Variants in KIF15 observed in about 807,000 individuals in gnomAD.
The protein encoded by KIF15 is kinesin family member 15.
In KIF15, 140 loss-of-function variants were observed where a neutral mutation model predicts 190.6. That is an observed-to-expected ratio of 0.73 (90% CI 0.64 to 0.84). The LOEUF (loss-of-function observed/expected upper bound fraction) is 0.84, where lower values mean the gene tolerates loss of function less well. KIF15 is among the 40% of genes least tolerant of loss of function. The pLI is 0.00. For missense variants in KIF15, 1,372 were observed against 1,584.4 expected (o/e 0.87, Z 2.28); for synonymous variants, 528 against 551.3 (o/e 0.96, Z 0.59).
chr3:44,803,547 C>T (rs140167253), intron 14 of KIF15, among the ~76,000 whole-genome samples: 3 of 152,328 alleles, frequency 2.0e-5, no homozygotes, highest in Non-Finnish European at 4.4e-5. Context: ...ATCTGCCTTA[C>T]AGTCTTGACA....
At chr3:44,852,461 T>TAAAAGAAAAAAAAAAAAAA (rs1699095679) in intron 34 of KIF15, 122 bp downstream of exon 34, 1 of 717,146 alleles carries the variant, frequency 1.4e-6, no homozygotes. Flanking sequence ...CTTCCTGAAT[T>TAAAAGAAAAAAAAAAAAAA]AAAAAAAAAA....
At chr3:44,768,700 A>G (rs1047917394) in intron 1 of KIF15, among the ~76,000 whole-genome samples, 1 of 152,210 alleles carries the variant, frequency 6.6e-6, no homozygotes, top group African/African-American at 2.4e-5. Context: ...AGATAAGGAC[A>G]AAGACCAATC....
chr3:44,863,950 A>C (rs1056045924), intron 6 of KIF15: 14 of 520,624 alleles, frequency 2.7e-5, no homozygotes, highest in Non-Finnish European at 4.5e-5. Context: ...CTTCTTCCCA[A>C]GATCATATGG....
intron 6 of KIF15, among the ~76,000 whole-genome samples, chr3:44,859,133 G>A (rs112119858): frequency 0.012 from 1,771 of 152,324 alleles, 32 homozygotes; most frequent in African/African-American, 0.039. Flanking sequence ...CCAGATTTAT[G>A]GCACTTTAAG....
At chr3:44,772,315 C>A (rs1296657496) in intron 1 of KIF15, among the ~76,000 whole-genome samples, 1 of 152,198 alleles carries the variant, frequency 6.6e-6, no homozygotes, top group East Asian at 1.9e-4. Context: ...ACCTCTAATT[C>A]CTGGGGCTCC....
In KIF15 at chr3:44,761,902, G is replaced by C; in HGVS notation, c.19+18G>C. The C allele has an allele frequency of 6.2e-7, 1 of 1,614,160 alleles. No homozygotes were observed. Among genetic ancestry groups the C allele is most frequent in the Admixed American group, 1.7e-5 (1 of 60,028 alleles). On this transcript the variant is annotated intron_variant, in intron 1 of 34. Transcript: ENST00000326047. ...CTGCAAAAGTAAGTCTGGGCCCCCG[G>C]CTTCGTTACCCTATTTTTGCCCCCA... is the stretch of plus-strand genomic sequence containing the variant.
In KIF15 at chr3:44,826,023, TG is replaced by T; in HGVS notation, c.2550-15del. The stretch of plus-strand genomic sequence containing the variant: ...AAATGTTTATTTACCATTTTTAAAA[TG>T]TTTTCCTTATAAAGGTTAGAAAACG... On this transcript the variant is annotated splice_polypyrimidine_tract_variant and intron_variant, in intron 20 of 34. Transcript: ENST00000326047. 1 of 1,568,140 alleles carries T rather than the reference TG, an allele frequency of 6.4e-7. No individual in the cohort carries two copies. Among genetic ancestry groups the T allele is most frequent in the South Asian group, 1.2e-5 (1 of 83,304 alleles).
At chr3:44,820,326 CT>C (rs368050877) in intron 20 of KIF15, among the ~76,000 whole-genome samples, 3 of 127,222 alleles carry the variant, frequency 2.4e-5, no homozygotes, top group East Asian at 2.5e-4. Flanking sequence ...GATGCAGTTT[CT>C]TTTTTTTTTC....
intron 9 of KIF15, 42 bp downstream of exon 9, chr3:44,797,718 C>T (rs771507432): frequency 6.2e-7 from 1 of 1,608,244 alleles, no homozygotes; most frequent in Admixed American, 1.7e-5. Context: ...TTTGGTTATG[C>T]TAAAGTTGAT....
Position 44,852,990 on chromosome 3 carries a change from T to C in KIF15, c.*255T>C. 3.5e-6 allele frequency: 1 copy of C among 285,672 alleles called. No homozygotes were observed. The highest frequency in any genetic ancestry group is 6.4e-6 in the Non-Finnish European group (1 of 156,632). The allele number at this position is 285,672 out of a possible 1,614,324, so 17.7% of individuals were successfully genotyped here. ...CAACTTAAGGGAAAACCTTTTGTCTTTGTAAAAATAAAAGCCTGTAGCTAA... is the reference window on the plus strand; with the variant it reads ...CAACTTAAGGGAAAACCTTTTGTCTCTGTAAAAATAAAAGCCTGTAGCTAA... On this transcript the variant is annotated 3_prime_UTR_variant, in exon 35 of 35. Coordinates refer to ENST00000326047, the MANE Select transcript of KIF15 (RefSeq NM_020242.3).
intron 6 of KIF15, chr3:44,865,027 C>G (rs563400889): frequency 6.2e-7 from 1 of 1,613,904 alleles, no homozygotes; most frequent in African/African-American, 1.3e-5. Flanking sequence ...TCACAGCTAT[C>G]TTTGTCTCGC....
chr3:44,840,969 C>G, intron 28 of KIF15, 105 bp from the exon 29 acceptor site: 1 of 1,113,764 alleles, frequency 9.0e-7, no homozygotes, highest in Non-Finnish European at 1.3e-6. Context: ...CCACCATGCC[C>G]AGCCGTAGCT....
chr3:44,789,402 C>T (rs955836512), intron 7 of KIF15, among the ~76,000 whole-genome samples: 3 of 151,558 alleles, frequency 2.0e-5, no homozygotes, highest in Non-Finnish European at 4.4e-5. Flanking sequence ...GCATTGGGAT[C>T]GAAGAATGTG....
At chr3:44,778,228 C>T in intron 4 of KIF15, 37 bp downstream of exon 4, 1 of 1,459,212 alleles carries the variant, frequency 6.9e-7, no homozygotes, top group Non-Finnish European at 9.6e-7. Context: ...ATAGTACATG[C>T]TTGAATTATT....
chr3:44,805,784 A>G (rs1004989804), intron 15 of KIF15, 61 bp from the exon 16 acceptor site: 174 of 1,440,272 alleles, frequency 1.2e-4, no homozygotes, highest in Non-Finnish European at 1.6e-4. Context: ...ACTGTAAAGT[A>G]TTCTATAAAT....
Position 44,793,803 on chromosome 3 carries a change from A to G in KIF15, c.640-414A>G, listed in dbSNP as rs191822259. ...AATTAGCTGTATGTTAGTATTTTTC[A>G]TAATAAAATGAGTGATTCTCAAGTG... On this transcript the variant is annotated intron_variant, in intron 7 of 34. Transcript: ENST00000326047. Among the ~76,000 whole-genome samples the G allele has an allele frequency of 3.3e-5, 5 of 152,236 alleles. No homozygotes were observed. In the East Asian group the frequency reaches 9.6e-4, roughly 29 times the overall value.
At chr3:44,846,207 A>T (rs544809671) in intron 30 of KIF15, among the ~76,000 whole-genome samples, 1 of 152,324 alleles carries the variant, frequency 6.6e-6, no homozygotes, top group Non-Finnish European at 1.5e-5. Flanking sequence ...TACAGGTTAC[A>T]ACAGATTTGT....
chr3:44,807,423 C>T (rs1221382391), intron 16 of KIF15, among the ~76,000 whole-genome samples: 2 of 152,098 alleles, frequency 1.3e-5, no homozygotes, highest in Non-Finnish European at 1.5e-5. Context: ...CGAGGTTTCA[C>T]CATGTTGGCC....
rs1345266868 is a variant in KIF15, at chr3:44,840,887, T to C, written c.3421-187T>C. On this transcript the variant is annotated intron_variant, in intron 28 of 34. Coordinates refer to ENST00000326047, the MANE Select transcript of KIF15 (RefSeq NM_020242.3). ...CAGGGTTTCACTGTGTTGCCTAGGC[T>C]GGTCTTGAACTTCTGAGCTTAGGCA... 7.2e-5 allele frequency among the ~76,000 whole-genome samples: 11 copies of C among 152,104 alleles called. No homozygotes were observed. In the East Asian group the frequency reaches 2.1e-3, roughly 29 times the overall value.
Sources: allele counts gnomAD v4.1 joint callset (sites outside exome capture counted in the v4.1 genomes callset), GRCh38; gene constraint gnomAD v4.1.1; transcripts MANE v1.5; gene names NCBI Gene and HGNC (gene_info 2026-07-23, HGNC 2026-07-21).